Variants in APBA2 observed in about 807,000 individuals in gnomAD.
APBA2 encodes the protein amyloid beta precursor protein binding family A member 2, also known as amyloid-beta A4 precursor protein-binding family A member 2.
In APBA2, 30 loss-of-function variants were observed where a neutral mutation model predicts 75.0. That is an observed-to-expected ratio of 0.40 (90% CI 0.30 to 0.54). The LOEUF is 0.54. Ranked by LOEUF, APBA2 falls within the 20% of genes least tolerant of loss-of-function variation. APBA2 has a pLI of 0.49. For synonymous variants in APBA2, 444 were observed against 409.6 expected, an observed-to-expected ratio of 1.08 and a Z score of -1.01; for missense variants, 801 against 1,016.1, an observed-to-expected ratio of 0.79 and a Z score of 2.88.
At chr15:29,062,092 TG>T (rs2042152818) in intron 4 of APBA2, among the ~76,000 whole-genome samples, 1 of 151,640 alleles carries the variant, frequency 6.6e-6, no homozygotes, top group Non-Finnish European at 1.5e-5. Flanking sequence ...CAGGGGGTTA[TG>T]GGGGGCATTG....
intron 1 of APBA2, among the ~76,000 whole-genome samples, chr15:28,890,474 G>A (rs1386803522): frequency 1.3e-5 from 2 of 152,170 alleles, no homozygotes; most frequent in East Asian, 1.9e-4. Flanking sequence ...TGTCTTGTAT[G>A]TAATGTCAGA....
intron 2 of APBA2, among the ~76,000 whole-genome samples, chr15:28,980,605 T>C (rs994554899): frequency 6.6e-6 from 1 of 152,194 alleles, no homozygotes; most frequent in Admixed American, 6.5e-5. Context: ...ATTGTTAAAA[T>C]GACCATACTG....
At chr15:28,911,776 T>G (rs747781354) in intron 1 of APBA2, among the ~76,000 whole-genome samples, 10 of 152,144 alleles carry the variant, frequency 6.6e-5, no homozygotes, top group Non-Finnish European at 1.5e-4. Flanking sequence ...TAATCAGAAG[T>G]GGAACAGTTT....
intron 4 of APBA2, among the ~76,000 whole-genome samples, chr15:29,067,958 T>C (rs1284573165): frequency 1.3e-5 from 2 of 152,176 alleles, no homozygotes; most frequent in African/African-American, 4.8e-5. Context: ...CCTACATAAA[T>C]TAGTGGAAGT....
At chr15:29,092,666 C>T (rs936553808) in intron 6 of APBA2, among the ~76,000 whole-genome samples, 2 of 152,116 alleles carry the variant, frequency 1.3e-5, no homozygotes, top group African/African-American at 4.8e-5. Flanking sequence ...TGCACAAGGA[C>T]AGGCCAAGGA....
chr15:29,005,115 A>T (rs2039045248), intron 3 of APBA2, among the ~76,000 whole-genome samples: 2 of 152,228 alleles, frequency 1.3e-5, no homozygotes, highest in African/African-American at 2.4e-5. Flanking sequence ...AGGCGTAGAT[A>T]GGGGCCGAAA....
intron 3 of APBA2, among the ~76,000 whole-genome samples, chr15:29,023,020 G>A (rs974728800): frequency 6.6e-6 from 1 of 152,074 alleles, no homozygotes; most frequent in African/African-American, 2.4e-5. Flanking sequence ...GAGAGCCATT[G>A]ATTTATGTGT....
chr15:29,048,563 TGGCA>T (rs2041450823), intron 3 of APBA2, among the ~76,000 whole-genome samples: 2 of 152,114 alleles, frequency 1.3e-5, no homozygotes, highest in Non-Finnish European at 2.9e-5. Flanking sequence ...ATAATGAAAA[TGGCA>T]TGGTACTGTT....
intron 2 of APBA2, among the ~76,000 whole-genome samples, chr15:28,944,068 C>A (rs2035398458): frequency 6.6e-6 from 1 of 152,124 alleles, no homozygotes; most frequent in South Asian, 2.1e-4. Context: ...TACTCTTCAC[C>A]CTGGCCCACT....
Position 29,055,668 on chromosome 15 carries a change from A to AGTGTGTGTGT in APBA2, c.951+868_951+877dup, listed in dbSNP as rs57671107. Among the ~76,000 whole-genome samples, 1,168 of 127,492 alleles carry AGTGTGTGTGT rather than the reference A, an allele frequency of 9.2e-3. 13 individuals carry two copies. The highest frequency in any genetic ancestry group is 0.02 in the Middle Eastern group (5 of 246). 83.6% of individuals were successfully genotyped at this position (127,492 alleles called of 152,430 possible). A position where few individuals can be genotyped will look rare whatever the true frequency, so the allele number is the denominator to read the frequency against. On this transcript the variant is annotated intron_variant, in intron 4 of 14. Coordinates refer to ENST00000683413, the MANE Select transcript of APBA2 (RefSeq NM_001353788.2). ...TTTCCGAGAAGAGTTCATGAATTTG[A>AGTGTGTGTGT]GTGTGTGTGTGTGTGTGTGTGTGTG...
intron 2 of APBA2, among the ~76,000 whole-genome samples, chr15:28,927,339 GT>G (rs146258912): frequency 0.23 from 32,468 of 140,746 alleles, 8,278 homozygotes; most frequent in African/African-American, 0.63. Context: ...TTTGCTTTTT[GT>G]TTTTTTTTTG....
At position 29,076,084 on chromosome 15, in the gene APBA2, T is replaced by A. The variant is rs372937974; in HGVS notation, c.1062T>A (p.Phe354Leu). The change falls in exon 6 of 15, where the codon TTT (phenylalanine) becomes TTA (leucine). Residue 354 changes from phenylalanine (F) to leucine (L), a missense_variant. Coordinates refer to ENST00000683413, the MANE Select transcript of APBA2 (RefSeq NM_001353788.2). ...AGAAGGTGGCATCATTTCCAAGTTTTGTGGCTGGTAAGTGACTTTGAATTT... is the reference window on the plus strand; with the variant it reads ...AGAAGGTGGCATCATTTCCAAGTTTAGTGGCTGGTAAGTGACTTTGAATTT... ...ETKKVASFPS[F>L]VAVPGPCEPE... 1.9e-6 allele frequency: 3 copies of A among 1,614,070 alleles called. No individual in the cohort carries two copies. In the African/African-American group the frequency reaches 4.0e-5, roughly 22 times the overall value.
intron 3 of APBA2, among the ~76,000 whole-genome samples, chr15:29,003,255 C>T (rs1467155639): frequency 6.6e-6 from 1 of 152,128 alleles, no homozygotes; most frequent in Non-Finnish European, 1.5e-5. Context: ...GATGACCAGG[C>T]TAGCGTTTTC....
intron 6 of APBA2, among the ~76,000 whole-genome samples, chr15:29,084,447 A>G (rs1434017560): frequency 1.3e-5 from 2 of 152,330 alleles, no homozygotes; most frequent in African/African-American, 4.8e-5. Context: ...GTGGTATTTA[A>G]TCTACACCCT....
intron 1 of APBA2, among the ~76,000 whole-genome samples, chr15:28,910,953 T>C (rs2033401769): frequency 6.6e-6 from 1 of 152,222 alleles, no homozygotes; most frequent in Non-Finnish European, 1.5e-5. Flanking sequence ...ACGGTGTTAT[T>C]CTTTTCCAGA....
At chr15:28,968,526 T>A (rs1433856421) in intron 2 of APBA2, among the ~76,000 whole-genome samples, 3 of 152,152 alleles carry the variant, frequency 2.0e-5, no homozygotes, top group Non-Finnish European at 4.4e-5. Context: ...CTGGATCCAG[T>A]ACCTTTGCTG....
At chr15:29,082,109 G>A (rs535826392) in intron 6 of APBA2, among the ~76,000 whole-genome samples, 7 of 152,314 alleles carry the variant, frequency 4.6e-5, no homozygotes, top group South Asian at 2.1e-4. Context: ...TTGATTTCAC[G>A]TGTCTTTCAT....
chr15:28,983,018 G>A (rs2152769598), intron 2 of APBA2, among the ~76,000 whole-genome samples: 1 of 152,328 alleles, frequency 6.6e-6, no homozygotes, highest in Middle Eastern at 3.4e-3. Context: ...CAGGGTGGAA[G>A]GTAACTTGGT....
chr15:28,941,742 TTTTG>T (rs1341729624), intron 2 of APBA2, among the ~76,000 whole-genome samples: 2 of 152,050 alleles, frequency 1.3e-5, no homozygotes, highest in African/African-American at 2.4e-5. Context: ...TTCATAGCCG[TTTTG>T]TTTGTTTATT....
Sources: gnomAD v4.1 joint callset for allele counts (sites outside exome capture counted in the v4.1 genomes callset) on GRCh38, gnomAD v4.1.1 for gene constraint, MANE v1.5 for transcripts, NCBI Gene and HGNC (gene_info 2026-07-23, HGNC 2026-07-21) for gene names.